The following LRRC4C variants were observed in gnomAD, a reference collection of about 807,000 sequenced individuals.
The protein encoded by LRRC4C is leucine-rich repeat-containing protein 4C.
LRRC4C carries 5 observed loss-of-function variants against 33.6 expected under a neutral mutation model. The ratio of observed to expected loss-of-function variants is 0.15; its 90% confidence interval spans 0.08 to 0.31. LRRC4C has a LOEUF of 0.31. Ranked by LOEUF, LRRC4C falls within the 10% of genes least tolerant of loss-of-function variation. The pLI is 1.00. For synonymous variants in LRRC4C, 329 were observed against 302.0 expected, an observed-to-expected ratio of 1.09 and a Z score of -0.93; for missense variants, 560 against 796.7, an observed-to-expected ratio of 0.70 and a Z score of 3.58.
intron 2 of LRRC4C, among the ~76,000 whole-genome samples, chr11:40,859,454 T>C (rs900244590): frequency 1.3e-5 from 2 of 152,080 alleles, no homozygotes; most frequent in African/African-American, 4.8e-5. Context: ...GAATATTTAG[T>C]AAGACTGTAC....
intron 2 of LRRC4C, among the ~76,000 whole-genome samples, chr11:40,793,048 A>G (rs1950689040): frequency 6.6e-6 from 1 of 152,100 alleles, no homozygotes; most frequent in African/African-American, 2.4e-5. Flanking sequence ...ATGATGAGTT[A>G]ATGGGTGCAG....
intron 3 of LRRC4C, among the ~76,000 whole-genome samples, chr11:40,512,669 C>T (rs577614369): frequency 5.9e-5 from 9 of 152,118 alleles, no homozygotes; most frequent in Non-Finnish European, 8.8e-5. Context: ...TCAGGGTTTC[C>T]GAAAAGCACA....
chr11:40,340,560 A>T (rs1946822302), intron 3 of LRRC4C, among the ~76,000 whole-genome samples: 1 of 152,190 alleles, frequency 6.6e-6, no homozygotes. Context: ...GATAAAAGTA[A>T]TAATAACCTT....
At chr11:40,974,842 A>G (rs1254319682) in intron 1 of LRRC4C, among the ~76,000 whole-genome samples, 1 of 151,874 alleles carries the variant, frequency 6.6e-6, no homozygotes, top group African/African-American at 2.4e-5. Context: ...AGGACACTCT[A>G]CTCCTCCTGT....
At chr11:40,817,234 T>C (rs1951742929) in intron 2 of LRRC4C, among the ~76,000 whole-genome samples, 1 of 152,144 alleles carries the variant, frequency 6.6e-6, no homozygotes, top group African/African-American at 2.4e-5. Context: ...GTGACAGCTA[T>C]CTGAAATATC....
At chr11:41,443,225 T>G (rs955067525) in intron 1 of LRRC4C, among the ~76,000 whole-genome samples, 1 of 151,946 alleles carries the variant, frequency 6.6e-6, no homozygotes, top group Non-Finnish European at 1.5e-5. Context: ...AAACAAATTT[T>G]GTACAGGCAC....
At chr11:41,359,997 A>G (rs1169988088) in intron 1 of LRRC4C, among the ~76,000 whole-genome samples, 1 of 152,200 alleles carries the variant, frequency 6.6e-6, no homozygotes, top group Non-Finnish European at 1.5e-5. Flanking sequence ...GGCCTGACCA[A>G]CATGGTGAAA....
At position 41,043,075 on chromosome 11, in the gene LRRC4C, T is replaced by C. The variant is rs1025312190; in HGVS notation, c.-495-109352A>G. Among the ~76,000 whole-genome samples, 467 of 126,480 alleles carry C rather than the reference T, an allele frequency of 3.7e-3. 3 individuals are homozygous for C. The highest frequency in any genetic ancestry group is 0.014 in the African/African-American group (445 of 30,996). The allele number at this position is 126,480 out of a possible 152,430, so 83.0% of individuals were successfully genotyped here. The stretch of plus-strand genomic sequence containing the variant: ...TGATTATACAGAATAGACCTTTTTT[T>C]TTTTTTTTTTTTTTTTTGCATGACG... On this transcript the variant is annotated intron_variant, in intron 1 of 6. Coordinates refer to ENST00000528697, the MANE Select transcript of LRRC4C (RefSeq NM_001258419.2).
At chr11:40,581,916 G>T (rs775640851) in intron 3 of LRRC4C, among the ~76,000 whole-genome samples, 60 of 151,864 alleles carry the variant, frequency 4.0e-4, no homozygotes, top group Non-Finnish European at 7.5e-4. Flanking sequence ...ATAAATAAAA[G>T]AATAAAAATA....
At chr11:40,886,595 A>T (rs1176307863) in intron 2 of LRRC4C, among the ~76,000 whole-genome samples, 2 of 151,898 alleles carry the variant, frequency 1.3e-5, no homozygotes, top group Non-Finnish European at 2.9e-5. Context: ...ATGAATTTTA[A>T]AATGTGTCCT....
chr11:40,942,964 C>A (rs1169815693), intron 1 of LRRC4C, among the ~76,000 whole-genome samples: 1 of 152,144 alleles, frequency 6.6e-6, no homozygotes, highest in Non-Finnish European at 1.5e-5. Flanking sequence ...GACACAGGAT[C>A]ATGTGAAATA....
intron 2 of LRRC4C, among the ~76,000 whole-genome samples, chr11:40,667,659 T>TA (rs1001479043): frequency 6.6e-6 from 1 of 152,158 alleles, no homozygotes; most frequent in African/African-American, 2.4e-5. Context: ...TCATGGGAGC[T>TA]ACAGTGCCCT....
At chr11:40,937,040 A>G (rs1565220600) in intron 1 of LRRC4C, among the ~76,000 whole-genome samples, 2 of 152,226 alleles carry the variant, frequency 1.3e-5, no homozygotes, top group Non-Finnish European at 1.5e-5. Context: ...TGCTATTTGC[A>G]ATAGCAAAGA....
At chr11:40,703,430 T>A (rs928240295) in intron 2 of LRRC4C, among the ~76,000 whole-genome samples, 12 of 152,034 alleles carry the variant, frequency 7.9e-5, no homozygotes, top group African/African-American at 2.7e-4. Flanking sequence ...ATATAAAAAA[T>A]TAGCTGAATG....
chr11:40,887,866 A>G (rs924611969), intron 2 of LRRC4C, among the ~76,000 whole-genome samples: 1 of 151,998 alleles, frequency 6.6e-6, no homozygotes, highest in Non-Finnish European at 1.5e-5. Context: ...TTATTAAGGT[A>G]CTGCCTAGAA....
At chr11:40,543,203 A>C (rs1956792703) in intron 3 of LRRC4C, among the ~76,000 whole-genome samples, 1 of 151,856 alleles carries the variant, frequency 6.6e-6, no homozygotes, top group South Asian at 2.1e-4. Context: ...TTTTTTTTCC[A>C]GAAAAACTGA....
intron 1 of LRRC4C, among the ~76,000 whole-genome samples, chr11:41,420,036 T>C (rs1478792221): frequency 6.6e-6 from 1 of 151,948 alleles, no homozygotes; most frequent in Non-Finnish European, 1.5e-5. Flanking sequence ...GTGGGAGAAG[T>C]GCTTTTTCTT....
At chr11:41,386,167 G>A (rs2063040) in intron 1 of LRRC4C, among the ~76,000 whole-genome samples, 3,577 of 151,594 alleles carry the variant, frequency 0.024, 138 homozygotes, top group African/African-American at 0.082. Flanking sequence ...CTAGTTAAAT[G>A]CTTTGGGAGA....
intron 3 of LRRC4C, among the ~76,000 whole-genome samples, chr11:40,411,923 G>C (rs545733561): frequency 1.3e-5 from 2 of 152,024 alleles, no homozygotes; most frequent in South Asian, 4.1e-4. Context: ...TATGAGATTA[G>C]TTCTAATACT....
Sources: gnomAD v4.1 joint callset for allele counts (sites outside exome capture counted in the v4.1 genomes callset) on GRCh38, gnomAD v4.1.1 for gene constraint, MANE v1.5 for transcripts, NCBI Gene and HGNC (gene_info 2026-07-23, HGNC 2026-07-21) for gene names.